Variants in UTRN observed in about 807,000 individuals in gnomAD.
The protein encoded by UTRN is dystrophin-related protein 1.
A neutral mutation model predicts 463.9 loss-of-function variants in UTRN; 283 were observed. That is an observed-to-expected ratio of 0.61 (90% confidence interval 0.55 to 0.67). The LOEUF (loss-of-function observed/expected upper bound fraction) is 0.67. Among genes scored for constraint, UTRN ranks in the 30% least tolerant of loss-of-function variants. The probability of loss-of-function intolerance (pLI) is 0.00; values close to 1 mark genes in which losing one functional copy is unlikely to be tolerated. For synonymous variants in UTRN, 1,442 were observed against 1,431.5 expected, an observed-to-expected ratio of 1.01 and a Z score of -0.17; for missense variants, 3,922 against 4,084.3, an observed-to-expected ratio of 0.96 and a Z score of 1.08.
At chr6:144,615,807 A>G (rs9390178) in intron 51 of UTRN, among the ~76,000 whole-genome samples, 10,027 of 152,216 alleles carry the variant, frequency 0.066, 948 homozygotes, top group East Asian at 0.52. Context: ...AATACATAAC[A>G]TGACATAAAC....
At chr6:144,543,768 C>T (rs1237011143) in intron 46 of UTRN, among the ~76,000 whole-genome samples, 2 of 151,932 alleles carry the variant, frequency 1.3e-5, no homozygotes, top group African/African-American at 4.8e-5. Context: ...TTCTCTTCCT[C>T]CTCCTCCCCT....
At chr6:144,773,170 A>G (rs1282047968) in intron 59 of UTRN, among the ~76,000 whole-genome samples, 2 of 152,194 alleles carry the variant, frequency 1.3e-5, no homozygotes, top group African/African-American at 2.4e-5. Flanking sequence ...GTTTCCAAAG[A>G]GTTGAGTATT....
rs1031217882 is a variant in UTRN at position 144,537,757 on chromosome 6, G to A, written c.6369+40G>A. 5.6e-6 allele frequency: 9 copies of A among 1,594,562 alleles called. No homozygotes were observed. The African/African-American group carries it at 6.8e-5, about 12-fold the overall frequency. ...TCTGTCTATATGCCTTTTGGTGCCC[G>A]AACATTATACTTCAGAGTCACATAC... On this transcript the variant is annotated intron_variant, in intron 44 of 74. Transcript: ENST00000367545.
At chr6:144,609,531 TCC>T (rs1398975978) in intron 51 of UTRN, among the ~76,000 whole-genome samples, 1 of 152,178 alleles carries the variant, frequency 6.6e-6, no homozygotes, top group African/African-American at 2.4e-5. Flanking sequence ...GGACAGATTA[TCC>T]ATACAGAAAA....
Position 144,687,063 on chromosome 6 carries a change from G to A in UTRN, c.7652+8485G>A, listed in dbSNP as rs77673872. ...TTGAGAACTCCTTTTAGCATTTCTT[G>A]TGTGGCTGGTCTTGTATTGACTTGC... On this transcript the variant is annotated intron_variant, in intron 52 of 74. Coordinates refer to ENST00000367545, the MANE Select transcript of UTRN (RefSeq NM_007124.3). 3.0e-3 allele frequency among the ~76,000 whole-genome samples: 462 copies of A among 152,202 alleles called. 20 individuals are homozygous for A. In the East Asian group the frequency reaches 0.065, roughly 21 times the overall value.
At chr6:144,796,802 G>C (rs906294137) in intron 63 of UTRN, among the ~76,000 whole-genome samples, 1 of 152,058 alleles carries the variant, frequency 6.6e-6, no homozygotes, top group African/African-American at 2.4e-5. Flanking sequence ...TGATGTCATG[G>C]GTTATTACAT....
chr6:144,394,186 A>G lies in UTRN; in HGVS notation c.80-8937A>G, dbSNP rs112321622. 5.9e-3 allele frequency among the ~76,000 whole-genome samples: 903 copies of G among 152,290 alleles called. 7 individuals carry two copies. Among genetic ancestry groups the G allele is most frequent in the African/African-American group, 0.021 (867 of 41,562 alleles). On this transcript the variant is annotated intron_variant, in intron 2 of 74. Coordinates refer to ENST00000367545, the MANE Select transcript of UTRN (RefSeq NM_007124.3). ...CTCATTCACTGCTTGATGCTTTTCA[A>G]TTTATTATTGAATTATCATATATAT...
chr6:144,325,759 G>A lies in UTRN; in HGVS notation c.79+33852G>A, dbSNP rs565949761. 2.6e-5 allele frequency among the ~76,000 whole-genome samples: 4 copies of A among 152,224 alleles called. No homozygotes were observed. The South Asian group carries it at 8.3e-4, about 32-fold the overall frequency. ...AGCAGATGTTTGAAAGCCTCCACCA[G>A]TAGACCTTATATTAACACAAACAAA... On this transcript the variant is annotated intron_variant, in intron 2 of 74. Coordinates refer to ENST00000367545, the MANE Select transcript of UTRN (RefSeq NM_007124.3).
chr6:144,620,867 A>G (rs1775289774), intron 51 of UTRN, among the ~76,000 whole-genome samples: 1 of 152,200 alleles, frequency 6.6e-6, no homozygotes, highest in South Asian at 2.1e-4. Context: ...AAGGATTCTA[A>G]GGAGGCCTGA....
At chr6:144,689,484 G>A (rs536494837) in intron 52 of UTRN, among the ~76,000 whole-genome samples, 1 of 152,308 alleles carries the variant, frequency 6.6e-6, no homozygotes, top group South Asian at 2.1e-4. Flanking sequence ...CCCACGGGTT[G>A]CTCCCTTGAT....
intron 69 of UTRN, among the ~76,000 whole-genome samples, chr6:144,833,179 C>T (rs796250237): frequency 3.0e-4 from 45 of 152,250 alleles, no homozygotes; most frequent in African/African-American, 1.1e-3. Flanking sequence ...ATCGTAACAC[C>T]TGAGATTACC....
At chr6:144,660,303 T>G (rs1219432858) in intron 51 of UTRN, 1 of 471,084 alleles carries the variant, frequency 2.1e-6, no homozygotes, top group Non-Finnish European at 4.4e-6. Context: ...TTCATGAATG[T>G]ACTTTTTTCC....
At chr6:144,339,129 G>T (rs1236078618) in intron 2 of UTRN, among the ~76,000 whole-genome samples, 1 of 152,178 alleles carries the variant, frequency 6.6e-6, no homozygotes, top group East Asian at 1.9e-4. Context: ...TGGAAAAGAG[G>T]TTGTGAAACT....
chr6:144,404,014 C>G (rs1562349618), intron 3 of UTRN, among the ~76,000 whole-genome samples: 1 of 152,044 alleles, frequency 6.6e-6, no homozygotes, highest in Non-Finnish European at 1.5e-5. Context: ...GGTTGCTTTT[C>G]AAAAGTTGTA....
chr6:144,651,970 CCA>C (rs1462957255), intron 51 of UTRN, among the ~76,000 whole-genome samples: 2 of 152,140 alleles, frequency 1.3e-5, no homozygotes, highest in Non-Finnish European at 2.9e-5. Flanking sequence ...CACCCCCCTC[CCA>C]CACTTTCCCC....
At chr6:144,395,472 C>A (rs1176573552) in intron 2 of UTRN, among the ~76,000 whole-genome samples, 1 of 144,148 alleles carries the variant, frequency 6.9e-6, no homozygotes, top group Admixed American at 7.1e-5. Flanking sequence ...GCCTGTAAAT[C>A]TTAGAAACAT....
At chr6:144,620,861 A>G (rs990445086) in intron 51 of UTRN, among the ~76,000 whole-genome samples, 11 of 152,220 alleles carry the variant, frequency 7.2e-5, no homozygotes, top group African/African-American at 2.4e-4. Context: ...CATGGTAAGG[A>G]TTCTAAGGAG....
intron 53 of UTRN, among the ~76,000 whole-genome samples, chr6:144,705,861 A>G (rs1341799447): frequency 6.6e-6 from 1 of 151,588 alleles, no homozygotes; most frequent in Non-Finnish European, 1.5e-5. Context: ...ATGTTTTAAA[A>G]TTACGTTACT....
At chr6:144,690,078 T>A (rs1487321157) in intron 52 of UTRN, among the ~76,000 whole-genome samples, 7 of 35,072 alleles carry the variant, frequency 2.0e-4, no homozygotes, top group African/African-American at 1.0e-3. Context: ...GTTTCTGTTT[T>A]TTTTTTTTTT....
Sources: allele counts gnomAD v4.1 joint callset (sites outside exome capture counted in the v4.1 genomes callset), GRCh38; gene constraint gnomAD v4.1.1; transcripts MANE v1.5; gene names NCBI Gene and HGNC (gene_info 2026-07-23, HGNC 2026-07-21).